MME: variants seen among roughly 807,000 people sequenced by gnomAD.
MME encodes the protein neprilysin.
In MME, 98 loss-of-function variants were observed where a neutral mutation model predicts 113.2. The ratio of observed to expected loss-of-function variants is 0.87; its 90% confidence interval spans 0.74 to 1.02. The LOEUF is 1.02. Among genes scored for constraint, MME ranks in the 50% least tolerant of loss-of-function variants. The pLI, the probability that MME is intolerant of heterozygous loss-of-function variation, is 0.00. For synonymous variants in MME, 292 were observed against 300.6 expected (o/e 0.97, Z 0.30); for missense variants, 836 against 896.0 (o/e 0.93, Z 0.86).
chr3:155,060,540 G>A (rs1341515020), intron 1 of MME, among the ~76,000 whole-genome samples: 1 of 152,108 alleles, frequency 6.6e-6, no homozygotes, highest in Non-Finnish European at 1.5e-5. Flanking sequence ...TGGAGCAGAA[G>A]TTCTGAGACC....
Position 155,128,304 on chromosome 3 carries a change from C to G in MME, c.720+9493C>G, listed in dbSNP as rs1269947563. Among the ~76,000 whole-genome samples the G allele has an allele frequency of 2.0e-5, 3 of 152,278 alleles. No individual in the cohort carries two copies. In the East Asian group the frequency reaches 5.8e-4, roughly 29 times the overall value. ...TTTTTCCCATGATATTTTCTACTCT[C>G]TCCTAATCCCTACCACCTGCAATCC... On this transcript the variant is annotated intron_variant, in intron 8 of 22. Transcript: ENST00000360490.
intron 1 of MME, chr3:155,083,850 A>G (rs1212470997): frequency 1.5e-5 from 5 of 338,388 alleles, no homozygotes; most frequent in Non-Finnish European, 2.8e-5. Context: ...AAACTGCTGA[A>G]TTAATCCTAC....
At chr3:155,071,257 C>G (rs1318023605) in intron 1 of MME, among the ~76,000 whole-genome samples, 2 of 152,180 alleles carry the variant, frequency 1.3e-5, no homozygotes, top group Non-Finnish European at 2.9e-5. Flanking sequence ...ATAAGCATAT[C>G]TCTGTAACTG....
rs1297607212 is a variant in MME, at chr3:155,118,729, A to T, written c.655-17A>T. Reference sequence around the variant, plus strand: ...TTCACTGAATGATTTATTTTCTTTTATGTATATTTTTTATAGATTGACCAA... The same window carrying T: ...TTCACTGAATGATTTATTTTCTTTTTTGTATATTTTTTATAGATTGACCAA... On this transcript the variant is annotated splice_polypyrimidine_tract_variant and intron_variant, in intron 7 of 22. Coordinates refer to ENST00000360490, the MANE Select transcript of MME (RefSeq NM_007289.4). 2 of 1,483,058 alleles carry T rather than the reference A, an allele frequency of 1.3e-6. No individual in the cohort carries two copies. The allele number at this position is 1,483,058 out of a possible 1,614,324, so 91.9% of individuals were successfully genotyped here.
intron 14 of MME, among the ~76,000 whole-genome samples, chr3:155,144,808 C>A (rs75234590): frequency 7.3e-4 from 111 of 152,146 alleles, no homozygotes; most frequent in African/African-American, 2.6e-3. Context: ...TTTATTGAGA[C>A]TTTTACTGAG....
At chr3:155,056,382 T>G (rs1713929162) in intron 1 of MME, among the ~76,000 whole-genome samples, 1 of 146,024 alleles carries the variant, frequency 6.8e-6, no homozygotes, top group Non-Finnish European at 1.5e-5. Flanking sequence ...CCTGTGTCCA[T>G]GTGTTCTCAC....
chr3:155,054,660 T>C (rs1328530258), intron 1 of MME, among the ~76,000 whole-genome samples: 2 of 151,984 alleles, frequency 1.3e-5, no homozygotes, highest in African/African-American at 2.4e-5. Flanking sequence ...CTACAAAAAA[T>C]ACAGAAATTA....
chr3:155,174,325 CGTGTGTGTGTGTGTGTGTGTGTGTGTGT>C (rs3839085), intron 22 of MME, among the ~76,000 whole-genome samples: 4 of 110,326 alleles, frequency 3.6e-5, no homozygotes, highest in African/African-American at 6.9e-5. Context: ...ACAACAGAAG[CGTGTGTGTGTGTGTGTGTGTGTGTGTGT>C]GTGTGTGTGT....
At chr3:155,140,078 A>G (rs61758189) in intron 9 of MME, 113 bp from the exon 10 acceptor site, 201 of 636,292 alleles carry the variant, frequency 3.2e-4, no homozygotes, top group Admixed American at 6.3e-4. Flanking sequence ...AAACAAGTAC[A>G]GAATAGGACT....
At chr3:155,028,385 T>C (rs1351621139) in intron 1 of MME, among the ~76,000 whole-genome samples, 2 of 152,138 alleles carry the variant, frequency 1.3e-5, no homozygotes, top group Non-Finnish European at 2.9e-5. Flanking sequence ...CATGTAATAA[T>C]CTGGGAATAG....
At chr3:155,149,657 G>A (rs903443972) in intron 16 of MME, among the ~76,000 whole-genome samples, 1 of 151,964 alleles carries the variant, frequency 6.6e-6, no homozygotes, top group African/African-American at 2.4e-5. Flanking sequence ...CACCAAGAGG[G>A]AAATGTCGTG....
At position 155,146,616 on chromosome 3, in the gene MME, G is replaced by T. The variant is rs143788155; in HGVS notation, c.1417-528G>T. On this transcript the variant is annotated intron_variant, in intron 14 of 22. Transcript: ENST00000360490. Reference sequence around the variant, plus strand: ...CTCGTTTTCCACTTAACTAATTAATGTCATTTATTGAACTTGAGAAGATAG... The same window carrying T: ...CTCGTTTTCCACTTAACTAATTAATTTCATTTATTGAACTTGAGAAGATAG... Among the ~76,000 whole-genome samples, 565 of 152,058 alleles carry T rather than the reference G, an allele frequency of 3.7e-3. 1 individual carries two copies. Among genetic ancestry groups the T allele is most frequent in the African/African-American group, 0.013 (535 of 41,496 alleles).
At chr3:155,098,648 C>A (rs1366856247) in intron 3 of MME, among the ~76,000 whole-genome samples, 8 of 151,158 alleles carry the variant, frequency 5.3e-5, no homozygotes, top group Non-Finnish European at 8.8e-5. Context: ...AACAAACAAA[C>A]AAAAAACACT....
chr3:155,168,048 T>A (rs1711524855), intron 18 of MME, among the ~76,000 whole-genome samples: 2 of 152,162 alleles, frequency 1.3e-5, no homozygotes. Flanking sequence ...AGAAAAAGAC[T>A]TTTTTTGTGT....
rs1471669397 is a variant in MME at position 155,051,114 on chromosome 3, A to C, written c.-11+26790A>C. Among the ~76,000 whole-genome samples, 3 of 152,226 alleles carry C rather than the reference A, an allele frequency of 2.0e-5. No individual in the cohort carries two copies. In the East Asian group the frequency reaches 5.8e-4, roughly 29 times the overall value. On this transcript the variant is annotated intron_variant, in intron 1 of 22. Transcript: ENST00000492661. ...AAGAAACTGTTAAGCAAAAGAAACC[A>C]GAGTTTGATGATTTGGAAAATTCTC...
intron 3 of MME, among the ~76,000 whole-genome samples, chr3:155,104,305 T>C (rs1399174222): frequency 6.6e-6 from 1 of 152,138 alleles, no homozygotes; most frequent in African/African-American, 2.4e-5. Context: ...CATAATCTTC[T>C]GGATCTTCTA....
intron 8 of MME, among the ~76,000 whole-genome samples, chr3:155,131,313 C>T (rs1720126428): frequency 1.3e-5 from 2 of 152,130 alleles, no homozygotes; most frequent in Non-Finnish European, 2.9e-5. Context: ...TTAAACTGCT[C>T]GGCCAATATG....
At chr3:155,166,026 A>T (rs180888397) in intron 17 of MME, among the ~76,000 whole-genome samples, 81 of 152,314 alleles carry the variant, frequency 5.3e-4, no homozygotes, top group Non-Finnish European at 9.1e-4. Context: ...TCATTTATTT[A>T]TTCACTAAAC....
At chr3:155,031,798 C>T (rs1462118301) in intron 1 of MME, among the ~76,000 whole-genome samples, 1 of 152,186 alleles carries the variant, frequency 6.6e-6, no homozygotes, top group Non-Finnish European at 1.5e-5. Flanking sequence ...GCTGGGATTA[C>T]AGGTGCCCAC....
Sources: gnomAD v4.1 joint callset for allele counts (sites outside exome capture counted in the v4.1 genomes callset) on GRCh38, gnomAD v4.1.1 for gene constraint, MANE v1.5 for transcripts, NCBI Gene and HGNC (gene_info 2026-07-23, HGNC 2026-07-21) for gene names.